Variants in STK11IP observed in about 807,000 individuals in gnomAD.
The protein encoded by STK11IP is serine/threonine-protein kinase 11-interacting protein.
A neutral mutation model predicts 131.7 loss-of-function variants in STK11IP; 103 were observed. The ratio of observed to expected loss-of-function variants is 0.78; its 90% CI spans 0.67 to 0.92. The LOEUF (loss-of-function observed/expected upper bound fraction) is 0.92, where lower values mean the gene tolerates loss of function less well. STK11IP is among the 40% of genes least tolerant of loss of function. The pLI is 0.00. For missense variants in STK11IP, 1,315 were observed against 1,385.7 expected, an observed-to-expected ratio of 0.95 and a Z score of 0.81; for synonymous variants, 557 against 575.6, an observed-to-expected ratio of 0.97 and a Z score of 0.46.
intron 23 of STK11IP, 70 bp downstream of exon 23, chr2:219,614,616 CGCAGCACCTGTACAGTGCCCTT>C (rs1698516071): frequency 1.4e-6 from 2 of 1,475,368 alleles, no homozygotes; most frequent in African/African-American, 1.4e-5. Flanking sequence ...CTGGCCCACG[CGCAGCACCTGTACAGTGCCCTT>C]GCAGCAACTG....
In STK11IP at chr2:219,615,078, G is replaced by A. The variant is rs759593245; in HGVS notation, c.2870-16G>A. The A allele has an allele frequency of 8.1e-6, 13 of 1,603,458 alleles. No homozygotes were observed. The East Asian group carries it at 1.6e-4, about 19-fold the overall frequency. Reference sequence around the variant, plus strand: ...CCCTCCATGACCTTCCACACTGGATGCCTCTTTCCCTGCAGGCCCTTCCAC... The same window carrying A: ...CCCTCCATGACCTTCCACACTGGATACCTCTTTCCCTGCAGGCCCTTCCAC... On this transcript the variant is annotated splice_polypyrimidine_tract_variant and intron_variant, in intron 23 of 24. Transcript: ENST00000456909.
rs546222441 is a variant in STK11IP, at chr2:219,614,017, G to A, written c.2716+87G>A. Reference sequence around the variant, plus strand: ...GGCTCCCCACCTGGTACCCAGTAGCGGAGACAGAGAGGTAACAGGACTTGT... The same window carrying A: ...GGCTCCCCACCTGGTACCCAGTAGCAGAGACAGAGAGGTAACAGGACTTGT... On this transcript the variant is annotated intron_variant, in intron 21 of 24. Transcript: ENST00000456909. 1.2e-4 allele frequency: 177 copies of A among 1,497,980 alleles called. 1 individual carries two copies. The African/African-American group carries it at 2.0e-3, about 17-fold the overall frequency. The allele number at this position is 1,497,980 out of a possible 1,614,324, so 92.8% of individuals were successfully genotyped here.
In STK11IP at chr2:219,611,937, C is replaced by G; in HGVS notation, c.2336-18C>G. ...AGGGGCTGCCATGGGCAGGCTGATG[C>G]CCCCTCATTGCCCTCAGCCCCTGAG... On this transcript the variant is annotated intron_variant, in intron 18 of 24. Coordinates refer to ENST00000456909, the MANE Select transcript of STK11IP (RefSeq NM_052902.4). 1 of 1,581,678 alleles carries G rather than the reference C, an allele frequency of 6.3e-7. No homozygotes were observed. The highest frequency in any genetic ancestry group is 8.6e-7 in the Non-Finnish European group (1 of 1,164,074).
At chr2:219,604,923 G>A (rs1201976321) in intron 7 of STK11IP, among the ~76,000 whole-genome samples, 3 of 152,012 alleles carry the variant, frequency 2.0e-5, no homozygotes, top group Non-Finnish European at 2.9e-5. Flanking sequence ...TCTGCCTCCC[G>A]GGTTCAAGCG....
chr2:219,604,357 A>G (rs1698084918), intron 7 of STK11IP, among the ~76,000 whole-genome samples: 1 of 152,234 alleles, frequency 6.6e-6, no homozygotes, highest in East Asian at 1.9e-4. Flanking sequence ...GAAGGCCCAG[A>G]GGAGCCTGAG....
At chr2:219,610,605 T>A (rs1698365155) in intron 17 of STK11IP, among the ~76,000 whole-genome samples, 1 of 152,166 alleles carries the variant, frequency 6.6e-6, no homozygotes, top group Non-Finnish European at 1.5e-5. Flanking sequence ...GGTTTCACCG[T>A]GTTAGCCAGG....
intron 24 of STK11IP, 187 bp from the exon 25 acceptor site, chr2:219,615,857 A>G (rs1172596410): frequency 1.2e-6 from 1 of 814,998 alleles, no homozygotes; most frequent in Non-Finnish European, 2.1e-6. Flanking sequence ...GGCTTTCAGT[A>G]AACGTCGGCT....
chr2:219,601,797 T>C, intron 4 of STK11IP, 82 bp downstream of exon 4: 1 of 1,475,878 alleles, frequency 6.8e-7, no homozygotes, highest in East Asian at 2.4e-5. Context: ...AGAGCCTCTT[T>C]GGTGAGGAGG....
chr2:219,613,659 AGT>A (rs1698479800), intron 20 of STK11IP, 91 bp from the exon 21 acceptor site: 1 of 1,456,894 alleles, frequency 6.9e-7, no homozygotes, highest in African/African-American at 1.4e-5. Context: ...GGGGTGATGC[AGT>A]GAGTGAGGCA....
intron 7 of STK11IP, among the ~76,000 whole-genome samples, chr2:219,603,747 C>G (rs1453928601): frequency 1.3e-5 from 2 of 151,742 alleles, no homozygotes; most frequent in African/African-American, 4.8e-5. Flanking sequence ...GTCTTGAACT[C>G]CTGACCTCAT....
chr2:219,608,222 T>G lies in STK11IP; in HGVS notation c.1395T>G (p.Thr465=). The G allele has an allele frequency of 6.2e-7, 1 of 1,613,528 alleles. No homozygotes were observed. Among genetic ancestry groups the G allele is most frequent in the Non-Finnish European group, 8.5e-7 (1 of 1,179,840 alleles). The change falls in exon 14 of 25, where the codon ACT becomes ACG. Residue 465 remains threonine, a synonymous_variant. Transcript: ENST00000456909. Reference sequence around the variant, plus strand: ...CAGCCAGCTCCCAGGGCCCCGACACTGCACCCAGACCTTCACCCCCGCAGG... The same window carrying G: ...CAGCCAGCTCCCAGGGCCCCGACACGGCACCCAGACCTTCACCCCCGCAGG... ...APPASSQGPD[T]APRPSPPQEE...
At position 219,614,561 on chromosome 2, in the gene STK11IP, C is replaced by T; in HGVS notation, c.2869+15C>T. ...CCTGGTTGAAGGTGAAGCCTCTGTGCAGCTGATGCTTCCCTGGTCTCTGTA... is the reference window on the plus strand; with the variant it reads ...CCTGGTTGAAGGTGAAGCCTCTGTGTAGCTGATGCTTCCCTGGTCTCTGTA... On this transcript the variant is annotated intron_variant, in intron 23 of 24. Transcript: ENST00000456909. The T allele has an allele frequency of 3.1e-6, 5 of 1,613,174 alleles. No individual in the cohort carries two copies. Among genetic ancestry groups the T allele is most frequent in the Non-Finnish European group, 4.2e-6 (5 of 1,179,334 alleles).
rs753527940 is a variant in STK11IP, at chr2:219,597,968, G to GCT, written c.-27+45_-27+46insCT. On this transcript the variant is annotated intron_variant, in intron 1 of 24. Transcript: ENST00000456909. ...ATGTTCCTCGAAAGGGCGGCCAGGA[G>GCT]GATGCTCTTCCTCTCTTTTCTTTCT... The GCT allele has an allele frequency of 3.7e-6, 6 of 1,608,126 alleles. No homozygotes were observed. The South Asian group carries it at 6.7e-5, about 18-fold the overall frequency.
chr2:219,610,225 C>T (rs1698348912), intron 17 of STK11IP: 1 of 153,814 alleles, frequency 6.5e-6, no homozygotes, highest in Non-Finnish European at 1.4e-5. Flanking sequence ...AGCCCTGCTC[C>T]ATTCCCCACT....
intron 19 of STK11IP, 122 bp downstream of exon 19, chr2:219,612,180 C>A: frequency 1.2e-6 from 1 of 862,562 alleles, no homozygotes. Flanking sequence ...GTTTCAACCC[C>A]AGCAGCTTCT....
In STK11IP at chr2:219,613,225, G is replaced by A. The variant is rs766513224; in HGVS notation, c.2537G>A (p.Arg846His). 30 of 1,575,888 alleles carry A rather than the reference G, an allele frequency of 1.9e-5. No homozygotes were observed. The highest frequency in any genetic ancestry group is 1.7e-4 in the Middle Eastern group (1 of 5,898). ...CTGTTGAAGGTGACTGGGGAGATGC[G>A]GTGAGTGAGAGGGGAGATGCAGTGA... ...LYLLKVTGEMREPPASWLQLT... is the reference protein window; with the variant it reads ...LYLLKVTGEMHEPPASWLQLT... Residue 846 changes from arginine (R) to histidine (H), a missense_variant and splice_region_variant, in exon 20 of 25, where the codon CGT becomes CAT. Coordinates refer to ENST00000456909, the MANE Select transcript of STK11IP (RefSeq NM_052902.4).
At chr2:219,612,760 G>A (rs936175457) in intron 19 of STK11IP, among the ~76,000 whole-genome samples, 5 of 152,198 alleles carry the variant, frequency 3.3e-5, no homozygotes, top group African/African-American at 7.2e-5. Context: ...GCCAGGTCAG[G>A]AGCTGCCTCC....
chr2:219,607,926 C>T (rs1316900244), intron 13 of STK11IP, 121 bp from the exon 14 acceptor site: 4 of 1,361,664 alleles, frequency 2.9e-6, no homozygotes, highest in African/African-American at 2.9e-5. Flanking sequence ...CCTGTAGCCT[C>T]CCTTGCCCGT....
At chr2:219,603,867 G>T (rs928806943) in intron 7 of STK11IP, among the ~76,000 whole-genome samples, 1 of 152,114 alleles carries the variant, frequency 6.6e-6, no homozygotes, top group Middle Eastern at 3.2e-3. Context: ...CAGCGGGGAA[G>T]AGGGTGCAAC....
Sources: gnomAD v4.1 joint callset for allele counts (sites outside exome capture counted in the v4.1 genomes callset) on GRCh38, gnomAD v4.1.1 for gene constraint, MANE v1.5 for transcripts, NCBI Gene and HGNC (gene_info 2026-07-23, HGNC 2026-07-21) for gene names.